The following CSMD3 variants were observed in gnomAD, a reference collection of about 807,000 sequenced individuals.
CSMD3 encodes CUB and Sushi multiple domains 3, also known as CUB and sushi domain-containing protein 3.
In CSMD3, 177 loss-of-function variants were observed where a neutral mutation model predicts 435.2. That is an observed-to-expected ratio of 0.41 (90% confidence interval 0.36 to 0.46). The LOEUF (loss-of-function observed/expected upper bound fraction) is 0.46, where lower values mean the gene tolerates loss of function less well. Ranked by LOEUF, CSMD3 falls within the 20% of genes least tolerant of loss-of-function variation. The pLI is 0.34. For synonymous variants in CSMD3, 1,656 were observed against 1,520.5 expected (o/e 1.09, Z -2.07); for missense variants, 4,265 against 4,504.6 (o/e 0.95, Z 1.52).
intron 10 of CSMD3, among the ~76,000 whole-genome samples, chr8:112,862,710 C>A (rs1274792939): frequency 6.6e-6 from 1 of 151,970 alleles, no homozygotes; most frequent in Non-Finnish European, 1.5e-5. Flanking sequence ...CTCTTCAATT[C>A]CATTGTATTT....
chr8:113,013,281 G>A (rs1263894956), intron 6 of CSMD3, among the ~76,000 whole-genome samples: 1 of 151,950 alleles, frequency 6.6e-6, no homozygotes. Flanking sequence ...AAAGCCTAGT[G>A]TTTTATCTTT....
At chr8:112,386,155 G>T (rs1829931552) in intron 36 of CSMD3, among the ~76,000 whole-genome samples, 1 of 152,150 alleles carries the variant, frequency 6.6e-6, no homozygotes, top group South Asian at 2.1e-4. Context: ...CCCTGAAGTG[G>T]GCAGGGACGA....
chr8:113,304,917 A>T (rs1272946771), intron 2 of CSMD3, among the ~76,000 whole-genome samples: 7 of 18,096 alleles, frequency 3.9e-4, no homozygotes, highest in East Asian at 2.5e-3. Context: ...AGTATAATAA[A>T]AAAAAAAAAA....
rs140779437 is a variant in CSMD3 at position 112,397,140 on chromosome 8, C to T, written c.5810-6352G>A. ...AAGACATGACCATTTTTATTCAGAA[C>T]ATTTTGAAGCTAAAAATATTTATAG... On this transcript the variant is annotated intron_variant, in intron 35 of 70. Coordinates refer to ENST00000297405, the MANE Select transcript of CSMD3 (RefSeq NM_198123.2). 2.9e-3 allele frequency among the ~76,000 whole-genome samples: 438 copies of T among 152,206 alleles called. 3 individuals are homozygous for T. Among genetic ancestry groups the T allele is most frequent in the African/African-American group, 0.01 (425 of 41,538 alleles).
At chr8:112,391,691 C>CAAA (rs34187208) in intron 35 of CSMD3, among the ~76,000 whole-genome samples, 2 of 141,530 alleles carry the variant, frequency 1.4e-5, no homozygotes, top group African/African-American at 2.6e-5. Flanking sequence ...GACTCCATCT[C>CAAA]AAAAAAAAAA....
rs149124856 is a variant in CSMD3 at position 112,898,425 on chromosome 8, G to A, written c.1633+23202C>T. Among the ~76,000 whole-genome samples the A allele has an allele frequency of 3.1e-3, 466 of 151,104 alleles. 4 individuals are homozygous for A. Among genetic ancestry groups the A allele is most frequent in the African/African-American group, 0.011 (446 of 41,374 alleles). Reference sequence around the variant, plus strand: ...CTCAAGCCCAATTTTTATGTTACTTGGGCATAAAAGACTTTTGTTAGATAT... The same window carrying A: ...CTCAAGCCCAATTTTTATGTTACTTAGGCATAAAAGACTTTTGTTAGATAT... On this transcript the variant is annotated intron_variant, in intron 10 of 70. Transcript: ENST00000297405.
chr8:112,857,835 GT>G (rs979469228), intron 11 of CSMD3, among the ~76,000 whole-genome samples: 108 of 146,510 alleles, frequency 7.4e-4, no homozygotes, highest in Middle Eastern at 3.5e-3. Flanking sequence ...AGCACTTCAT[GT>G]TTTTTTTTTT....
At chr8:112,410,741 TTC>T (rs1811240004) in intron 32 of CSMD3, among the ~76,000 whole-genome samples, 1 of 145,552 alleles carries the variant, frequency 6.9e-6, no homozygotes, top group African/African-American at 2.5e-5. Context: ...AGGTTTTGTT[TTC>T]TGTTTTTGCA....
intron 4 of CSMD3, among the ~76,000 whole-genome samples, chr8:113,114,079 C>T (rs1325983441): frequency 6.6e-6 from 1 of 151,802 alleles, no homozygotes; most frequent in Non-Finnish European, 1.5e-5. Context: ...AAACAGGAGG[C>T]AATGAGGTAG....
At chr8:112,422,957 T>G (rs1223519097) in intron 32 of CSMD3, among the ~76,000 whole-genome samples, 1 of 152,176 alleles carries the variant, frequency 6.6e-6, no homozygotes, top group Non-Finnish European at 1.5e-5. Flanking sequence ...TCAGATGCTA[T>G]ACATATTCCT....
intron 44 of CSMD3, among the ~76,000 whole-genome samples, chr8:112,336,050 C>A (rs2130953152): frequency 6.6e-6 from 1 of 152,018 alleles, no homozygotes; most frequent in Non-Finnish European, 1.5e-5. Context: ...ATAGCTGGGA[C>A]CACAGGCGCA....
intron 1 of CSMD3, among the ~76,000 whole-genome samples, chr8:113,335,483 G>A (rs1339944347): frequency 7.1e-6 from 1 of 139,992 alleles, no homozygotes; most frequent in Non-Finnish European, 1.5e-5. Context: ...CAGATGTTCA[G>A]CTCTTTTTCT....
intron 38 of CSMD3, among the ~76,000 whole-genome samples, chr8:112,367,222 G>A (rs759472650): frequency 9.2e-5 from 14 of 152,056 alleles, no homozygotes; most frequent in East Asian, 5.8e-4. Context: ...TATATTCACC[G>A]TCCATACAAG....
intron 18 of CSMD3, among the ~76,000 whole-genome samples, chr8:112,653,861 T>C (rs1181989955): frequency 2.0e-5 from 3 of 152,112 alleles, no homozygotes; most frequent in African/African-American, 7.2e-5. Flanking sequence ...GGTTTCACCA[T>C]GTTGGTCAGG....
At chr8:112,963,593 G>A (rs946503197) in intron 7 of CSMD3, among the ~76,000 whole-genome samples, 6 of 151,838 alleles carry the variant, frequency 4.0e-5, no homozygotes, top group African/African-American at 4.8e-5. Context: ...TCTAGACAAC[G>A]CAACTGTGCT....
chr8:112,516,832 A>C (rs534273192), intron 28 of CSMD3, among the ~76,000 whole-genome samples: 1 of 152,250 alleles, frequency 6.6e-6, no homozygotes, highest in African/African-American at 2.4e-5. Context: ...GCATTGAAAA[A>C]ATTAATGAAA....
chr8:112,638,429 G>T (rs546505853), intron 21 of CSMD3, among the ~76,000 whole-genome samples: 4 of 151,020 alleles, frequency 2.6e-5, no homozygotes, highest in Non-Finnish European at 4.4e-5. Context: ...TTTCAGGATT[G>T]TAAATTAAAG....
chr8:112,873,107 A>C (rs543291116), intron 10 of CSMD3, among the ~76,000 whole-genome samples: 1 of 152,156 alleles, frequency 6.6e-6, no homozygotes, highest in Admixed American at 6.5e-5. Context: ...CTGATCTGCA[A>C]ATTTACAAAC....
At chr8:112,834,281 T>C (rs1445113457) in intron 11 of CSMD3, among the ~76,000 whole-genome samples, 2 of 151,940 alleles carry the variant, frequency 1.3e-5, no homozygotes, top group African/African-American at 4.8e-5. Flanking sequence ...GACATACAAT[T>C]ACTGAGAAGC....
Sources: gnomAD v4.1 joint callset for allele counts (sites outside exome capture counted in the v4.1 genomes callset) on GRCh38, gnomAD v4.1.1 for gene constraint, MANE v1.5 for transcripts, NCBI Gene and HGNC (gene_info 2026-07-23, HGNC 2026-07-21) for gene names.